Variants in RGS6 observed in about 807,000 individuals in gnomAD.
RGS6 encodes regulator of G-protein signaling 6.
RGS6 carries 30 observed loss-of-function variants against 78.5 expected under a neutral mutation model. The observed-to-expected ratio is 0.38, with a 90% confidence interval of 0.29 to 0.52. RGS6 has a LOEUF of 0.52. RGS6 is among the 20% of genes least tolerant of loss of function. RGS6 has a pLI of 0.85. For synonymous variants in RGS6, 206 were observed against 206.0 expected, an observed-to-expected ratio of 1.00 and a Z score of 0.00; for missense variants, 495 against 609.7, an observed-to-expected ratio of 0.81 and a Z score of 1.98.
intron 2 of RGS6, among the ~76,000 whole-genome samples, chr14:72,304,012 C>T (rs376250244): frequency 1.4e-4 from 21 of 152,334 alleles, no homozygotes; most frequent in South Asian, 4.1e-4. Flanking sequence ...CCTGCTGGGC[C>T]GTACCCATTC....
chr14:72,554,592 A>T (rs888753662), intron 17 of RGS6, among the ~76,000 whole-genome samples: 4 of 152,140 alleles, frequency 2.6e-5, no homozygotes, highest in African/African-American at 9.7e-5. Flanking sequence ...GAGAAGAGGA[A>T]CAGGCGGGCA....
intron 2 of RGS6, among the ~76,000 whole-genome samples, chr14:71,983,642 C>G (rs2094557775): frequency 6.6e-6 from 1 of 152,134 alleles, no homozygotes; most frequent in African/African-American, 2.4e-5. Context: ...CGCCTTTGTC[C>G]TACCTCACCT....
At chr14:72,555,577 CTGAG>C (rs528647172) in intron 17 of RGS6, among the ~76,000 whole-genome samples, 1 of 152,224 alleles carries the variant, frequency 6.6e-6, no homozygotes, top group Non-Finnish European at 1.5e-5. Flanking sequence ...TCCTTCATCC[CTGAG>C]TGTTTCCATC....
At chr14:71,982,404 G>A (rs929025273) in intron 2 of RGS6, among the ~76,000 whole-genome samples, 2 of 152,194 alleles carry the variant, frequency 1.3e-5, no homozygotes, top group African/African-American at 4.8e-5. Flanking sequence ...CGTTACTTCT[G>A]AGAGAACTTA....
At chr14:72,210,052 C>A (rs540396479) in intron 2 of RGS6, among the ~76,000 whole-genome samples, 1 of 152,308 alleles carries the variant, frequency 6.6e-6, no homozygotes, top group African/African-American at 2.4e-5. Context: ...GGAAGAGGAT[C>A]TCTTGTCTTG....
chr14:72,493,313 T>G (rs1566975991), intron 12 of RGS6, among the ~76,000 whole-genome samples: 1 of 152,022 alleles, frequency 6.6e-6, no homozygotes, highest in Non-Finnish European at 1.5e-5. Flanking sequence ...ATCTGAGAAA[T>G]GAGAAGGTAT....
intron 2 of RGS6, among the ~76,000 whole-genome samples, chr14:72,021,550 G>C (rs764876680): frequency 1.4e-5 from 2 of 143,514 alleles, no homozygotes; most frequent in African/African-American, 5.2e-5. Flanking sequence ...CTCACTGCAA[G>C]CTCTGCCTCC....
At chr14:71,945,679 C>T (rs138783755) in intron 1 of RGS6, among the ~76,000 whole-genome samples, 1 of 152,094 alleles carries the variant, frequency 6.6e-6, no homozygotes, top group Non-Finnish European at 1.5e-5. Context: ...CAGCCATCCA[C>T]GTGTGATGAT....
intron 2 of RGS6, among the ~76,000 whole-genome samples, chr14:72,006,906 T>C (rs2084676063): frequency 6.6e-6 from 1 of 152,122 alleles, no homozygotes; most frequent in South Asian, 2.1e-4. Flanking sequence ...AAGTGTAAAG[T>C]GCCTTGAACA....
chr14:72,376,079 C>A (rs2152858898), intron 3 of RGS6, among the ~76,000 whole-genome samples: 1 of 152,058 alleles, frequency 6.6e-6, no homozygotes, highest in East Asian at 1.9e-4. Context: ...TAAACAAATT[C>A]AGTGAAATAT....
At chr14:72,156,433 G>T (rs553753202) in intron 2 of RGS6, among the ~76,000 whole-genome samples, 43 of 142,790 alleles carry the variant, frequency 3.0e-4, no homozygotes, top group South Asian at 1.6e-3. Context: ...CAGCCTGGGT[G>T]ACAGGGTGAG....
At chr14:71,910,923 T>C in the RGS6 span, among the ~76,000 whole-genome samples, 2 of 152,114 alleles carry the variant, frequency 1.3e-5, no homozygotes, top group East Asian at 3.9e-4. Context: ...ACACCTGAGT[T>C]TTTTTCCCAG....
intron 2 of RGS6, among the ~76,000 whole-genome samples, chr14:72,180,687 C>T (rs1353658709): frequency 6.6e-6 from 1 of 152,172 alleles, no homozygotes; most frequent in Non-Finnish European, 1.5e-5. Flanking sequence ...GTGTTAGGAG[C>T]TTGGTTGCCT....
intron 2 of RGS6, among the ~76,000 whole-genome samples, chr14:72,033,889 C>T (rs1454132424): frequency 6.6e-6 from 1 of 152,146 alleles, no homozygotes; most frequent in African/African-American, 2.4e-5. Context: ...TTCTTCACCT[C>T]TTCACCAACA....
chr14:71,895,853 A>G, the RGS6 span, among the ~76,000 whole-genome samples: 1 of 152,170 alleles, frequency 6.6e-6, no homozygotes, highest in Non-Finnish European at 1.5e-5. Flanking sequence ...TGAGTCTTGC[A>G]GTAGAGGGCT....
chr14:72,259,942 C>T (rs375767118), intron 2 of RGS6, among the ~76,000 whole-genome samples: 3 of 134,572 alleles, frequency 2.2e-5, no homozygotes, highest in African/African-American at 9.1e-5. Flanking sequence ...GCTTAATGAA[C>T]GAGAGTCTCA....
chr14:72,494,618 T>A (rs546374083), intron 12 of RGS6, among the ~76,000 whole-genome samples: 1 of 152,184 alleles, frequency 6.6e-6, no homozygotes, highest in Non-Finnish European at 1.5e-5. Flanking sequence ...TCAACATATC[T>A]ATTAGATCAT....
At chr14:72,238,191 C>G (rs2332806) in intron 2 of RGS6, among the ~76,000 whole-genome samples, 62,259 of 151,996 alleles carry the variant, frequency 0.41, 13,807 homozygotes, top group Middle Eastern at 0.6. Flanking sequence ...TTTATAGTTT[C>G]GGACACTCAG....
the RGS6 span, among the ~76,000 whole-genome samples, chr14:71,903,672 G>A: frequency 6.6e-6 from 1 of 152,212 alleles, no homozygotes; most frequent in African/African-American, 2.4e-5. Context: ...ATTCGAGGAG[G>A]AATAGAGTTC....
Sources: allele counts gnomAD v4.1 joint callset (sites outside exome capture counted in the v4.1 genomes callset), GRCh38; gene constraint gnomAD v4.1.1; transcripts MANE v1.5; gene names NCBI Gene and HGNC (gene_info 2026-07-23, HGNC 2026-07-21).